Variants in DMD observed in about 807,000 individuals in gnomAD.
DMD encodes the protein dystrophin.
Under a neutral mutation model 330.1 loss-of-function variants are expected in DMD, and 63 were observed. The observed-to-expected ratio is 0.19, with a 90% CI of 0.16 to 0.24. DMD has a LOEUF of 0.24. Among genes scored for constraint, DMD ranks in the 10% least tolerant of loss-of-function variants. The probability of loss-of-function intolerance (pLI) is 1.00; values close to 1 mark genes in which losing one functional copy is unlikely to be tolerated. For missense variants in DMD, 3,344 were observed against 2,684.1 expected, an observed-to-expected ratio of 1.25 and a Z score of -5.43; for synonymous variants, 1,223 against 959.8, an observed-to-expected ratio of 1.27 and a Z score of -5.07.
At chrX:32,352,579 C>T (rs770779004) in intron 37 of DMD, among the ~76,000 whole-genome samples, 8 of 110,808 alleles carry the variant, frequency 7.2e-5, no homozygotes, top group African/African-American at 9.8e-5. Context: ...TTCATGACCA[C>T]CTTATTAGGC....
chrX:31,836,904 A>G, intron 48 of DMD, 85 bp from the exon 49 acceptor site: 7 of 812,357 alleles, frequency 8.6e-6, no homozygotes, highest in Non-Finnish European at 1.1e-5. Flanking sequence ...TGGAGACTCC[A>G]CATGTATTGC....
chrX:31,879,266 C>T (rs1461062524), intron 47 of DMD, among the ~76,000 whole-genome samples: 1 of 108,560 alleles, frequency 9.2e-6, no homozygotes, highest in East Asian at 2.9e-4. Context: ...ACACATTCTA[C>T]ATGGCAGCAG....
intron 44 of DMD, among the ~76,000 whole-genome samples, chrX:32,091,760 A>C (rs2096476520): frequency 8.9e-6 from 1 of 111,844 alleles, no homozygotes; most frequent in Non-Finnish European, 1.9e-5. Context: ...AATATTATTC[A>C]CATACTAATA....
chrX:32,520,835 C>T (rs1159900908), intron 17 of DMD, among the ~76,000 whole-genome samples: 1 of 104,936 alleles, frequency 9.5e-6, no homozygotes, highest in East Asian at 2.9e-4. Flanking sequence ...AACCTAGCAT[C>T]CTGCCATACT....
intron 44 of DMD, among the ~76,000 whole-genome samples, chrX:32,038,090 G>A (rs1412028013): frequency 1.8e-5 from 2 of 111,624 alleles, no homozygotes; most frequent in Non-Finnish European, 3.8e-5. Context: ...CCAAGGTCTG[G>A]CCTTAACATA....
intron 2 of DMD, among the ~76,000 whole-genome samples, chrX:33,008,978 T>A (rs1327157168): frequency 5.3e-5 from 5 of 93,590 alleles, no homozygotes; most frequent in African/African-American, 7.4e-5. Flanking sequence ...GTATATACAC[T>A]TATGTATATA....
chrX:32,342,362 C>A, intron 40 of DMD, 80 bp from the exon 41 acceptor site: 1 of 1,029,654 alleles, frequency 9.7e-7, no homozygotes, highest in Non-Finnish European at 1.3e-6. Flanking sequence ...ATACTTCTCT[C>A]AAAATTTCAA....
chrX:32,230,225 GTTT>G (rs59115983), intron 43 of DMD, among the ~76,000 whole-genome samples: 1 of 109,755 alleles, frequency 9.1e-6, no homozygotes, highest in African/African-American at 3.4e-5. Flanking sequence ...AAGAAACATG[GTTT>G]TTTTTGTTTT....
intron 29 of DMD, among the ~76,000 whole-genome samples, chrX:32,419,510 G>A (rs778250670): frequency 3.6e-5 from 4 of 111,939 alleles, no homozygotes; most frequent in Non-Finnish European, 7.5e-5. Context: ...AGGGATATAG[G>A]CGGTAAATAA....
chrX:32,702,592 G>C (rs1190849294), intron 7 of DMD, among the ~76,000 whole-genome samples: 1 of 111,423 alleles, frequency 9.0e-6, no homozygotes, highest in African/African-American at 3.3e-5. Context: ...ACTTTTCAAT[G>C]AGAGGGTGAC....
At chrX:32,730,424 A>C (rs1189515855) in intron 7 of DMD, among the ~76,000 whole-genome samples, 2 of 112,302 alleles carry the variant, frequency 1.8e-5, no homozygotes, top group Non-Finnish European at 3.8e-5. Context: ...AAAATATGTC[A>C]GGTAACACCA....
chrX:31,171,533 T>TA (rs2039995652), intron 73 of DMD, among the ~76,000 whole-genome samples: 1 of 111,930 alleles, frequency 8.9e-6, no homozygotes, highest in Non-Finnish European at 1.9e-5. Flanking sequence ...TTCTTCTCTT[T>TA]ATGTTATTTA....
intron 13 of DMD, among the ~76,000 whole-genome samples, chrX:32,593,417 A>G (rs2055159872): frequency 8.9e-6 from 1 of 111,781 alleles, no homozygotes; most frequent in African/African-American, 3.3e-5. Flanking sequence ...TACTTTATTA[A>G]TGTCTATTTT....
chrX:32,936,780 A>T (rs540193869), intron 2 of DMD, among the ~76,000 whole-genome samples: 1 of 111,892 alleles, frequency 8.9e-6, no homozygotes, highest in South Asian at 3.7e-4. Context: ...AATGTTACCT[A>T]GAACACTTGT....
At chrX:31,511,512 G>A (rs1430194894) in intron 55 of DMD, among the ~76,000 whole-genome samples, 2 of 78,226 alleles carry the variant, frequency 2.6e-5, no homozygotes, top group African/African-American at 1.1e-4. Context: ...TCCCCAGAGT[G>A]TGATGTTCCC....
intron 1 of DMD, among the ~76,000 whole-genome samples, chrX:33,337,654 T>C (rs2054273440): frequency 8.9e-6 from 1 of 112,197 alleles, no homozygotes. Flanking sequence ...AAAGTAGTCA[T>C]CCAAATCCTT....
At chrX:31,646,570 T>C (rs754979496) in intron 54 of DMD, among the ~76,000 whole-genome samples, 3 of 111,301 alleles carry the variant, frequency 2.7e-5, no homozygotes, top group Non-Finnish European at 5.7e-5. Context: ...CGGTCTTGGG[T>C]ACACTGTTGC....
chrX:31,957,820 A>G (rs1256058480), intron 45 of DMD, among the ~76,000 whole-genome samples: 1 of 111,688 alleles, frequency 9.0e-6, no homozygotes, highest in African/African-American at 3.3e-5. Context: ...TAAGACATCC[A>G]TTAACTATAT....
intron 7 of DMD, among the ~76,000 whole-genome samples, chrX:32,746,353 T>C (rs2070008458): frequency 8.9e-6 from 1 of 111,838 alleles, no homozygotes. Flanking sequence ...TTCAAGAAAA[T>C]CTACACCATC....
Sources: gnomAD v4.1 joint callset for allele counts (sites outside exome capture counted in the v4.1 genomes callset) on GRCh38, gnomAD v4.1.1 for gene constraint, MANE v1.5 for transcripts, NCBI Gene and HGNC (gene_info 2026-07-23, HGNC 2026-07-21) for gene names.